ERBB4: variants seen among roughly 807,000 people sequenced by gnomAD.
The protein encoded by ERBB4 is erb-b2 receptor tyrosine kinase 4, also known as receptor tyrosine-protein kinase erbB-4.
ERBB4 carries 42 observed loss-of-function variants against 158.0 expected under a neutral mutation model. That is an observed-to-expected ratio of 0.27 (90% confidence interval 0.21 to 0.34). The LOEUF is 0.34. Ranked by LOEUF, ERBB4 falls within the 10% of genes least tolerant of loss-of-function variation. The pLI is 1.00. For missense variants in ERBB4, 1,333 were observed against 1,624.1 expected, an observed-to-expected ratio of 0.82 and a Z score of 3.08; for synonymous variants, 583 against 558.7, an observed-to-expected ratio of 1.04 and a Z score of -0.61.
chr2:212,307,959 C>T (rs990170524), intron 1 of ERBB4, among the ~76,000 whole-genome samples: 7 of 150,632 alleles, frequency 4.6e-5, no homozygotes, highest in African/African-American at 1.2e-4. Flanking sequence ...TTGAAGTCCC[C>T]GATCCATGCA....
chr2:211,884,163 A>G (rs2078734947), intron 3 of ERBB4, among the ~76,000 whole-genome samples: 2 of 152,192 alleles, frequency 1.3e-5, no homozygotes, highest in African/African-American at 2.4e-5. Context: ...TAATAGCAAC[A>G]CACTCTGGAT....
chr2:211,513,618 GC>G (rs1045322123), intron 20 of ERBB4, among the ~76,000 whole-genome samples: 1 of 152,026 alleles, frequency 6.6e-6, no homozygotes, highest in African/African-American at 2.4e-5. Flanking sequence ...AAGAGAATGA[GC>G]AAATACTATT....
rs1560145119 is a variant in ERBB4, at chr2:212,373,788, C to CCATATATATCCAT, written c.82+164660_82+164661insATGGATATATATG. The stretch of plus-strand genomic sequence containing the variant: ...ACGTATATATCCATGTATATATCCA[C>CCATATATATCCAT]GTATATATATCCATATATATATCCA... On this transcript the variant is annotated intron_variant, in intron 1 of 27. Transcript: ENST00000342788. 3.4e-5 allele frequency among the ~76,000 whole-genome samples: 3 copies of CCATATATATCCAT among 88,918 alleles called. No homozygotes were observed. In the East Asian group the frequency reaches 7.5e-4, roughly 22 times the overall value. 58.3% of individuals were successfully genotyped at this position (88,918 alleles called of 152,430 possible).
chr2:212,477,313 C>A (rs975840058), intron 1 of ERBB4, among the ~76,000 whole-genome samples: 3 of 152,112 alleles, frequency 2.0e-5, no homozygotes, highest in Admixed American at 1.3e-4. Context: ...TCTTCCTATA[C>A]TTCTGCCACT....
chr2:211,855,230 T>C (rs892192137), intron 3 of ERBB4, among the ~76,000 whole-genome samples: 1 of 152,192 alleles, frequency 6.6e-6, no homozygotes, highest in South Asian at 2.1e-4. Flanking sequence ...AATTCCTTTT[T>C]ATATTTTGGA....
At chr2:211,858,017 T>G (rs370702563) in intron 3 of ERBB4, among the ~76,000 whole-genome samples, 1 of 152,222 alleles carries the variant, frequency 6.6e-6, no homozygotes, top group African/African-American at 2.4e-5. Context: ...TCTAATTCTG[T>G]AATTTGAAAG....
intron 19 of ERBB4, among the ~76,000 whole-genome samples, chr2:211,616,608 A>G (rs1354234773): frequency 6.6e-6 from 1 of 152,180 alleles, no homozygotes; most frequent in Non-Finnish European, 1.5e-5. Flanking sequence ...GGTATGAAAT[A>G]TAGGCTTATG....
At chr2:211,849,035 A>AT (rs1292301015) in intron 3 of ERBB4, among the ~76,000 whole-genome samples, 3 of 152,012 alleles carry the variant, frequency 2.0e-5, no homozygotes, top group Non-Finnish European at 4.4e-5. Context: ...ACATTCAACT[A>AT]TTTTTTAAAT....
rs528673903 is a variant in ERBB4, at chr2:211,968,940, C to T, written c.235-21324G>A. On this transcript the variant is annotated intron_variant, in intron 2 of 27. Coordinates refer to ENST00000342788, the MANE Select transcript of ERBB4 (RefSeq NM_005235.3). ...TTGAAGGACCTATTCAAATTGAACCCAAATTCAAATTAGTAATGTACATTT... is the reference window on the plus strand; with the variant it reads ...TTGAAGGACCTATTCAAATTGAACCTAAATTCAAATTAGTAATGTACATTT... 3.3e-5 allele frequency among the ~76,000 whole-genome samples: 5 copies of T among 151,906 alleles called. No individual in the cohort carries two copies. The East Asian group carries it at 9.7e-4, about 29-fold the overall frequency.
chr2:211,871,462 C>G (rs748602960), intron 3 of ERBB4, among the ~76,000 whole-genome samples: 4 of 151,362 alleles, frequency 2.6e-5, no homozygotes, highest in Non-Finnish European at 5.9e-5. Flanking sequence ...TACCATGTGC[C>G]TTATAAAGGG....
At chr2:211,832,568 ATGTG>A (rs35068304) in intron 3 of ERBB4, among the ~76,000 whole-genome samples, 4 of 150,390 alleles carry the variant, frequency 2.7e-5, no homozygotes, top group Admixed American at 6.6e-5. Context: ...AAATATATGT[ATGTG>A]TGTGTGTATA....
intron 2 of ERBB4, among the ~76,000 whole-genome samples, chr2:212,052,903 C>T (rs1281575363): frequency 1.3e-5 from 2 of 152,216 alleles, no homozygotes; most frequent in Non-Finnish European, 2.9e-5. Flanking sequence ...CATTTGACAT[C>T]ACCCGAATAA....
intron 20 of ERBB4, among the ~76,000 whole-genome samples, chr2:211,526,458 A>G (rs769590889): frequency 3.3e-5 from 5 of 152,174 alleles, no homozygotes; most frequent in Non-Finnish European, 5.9e-5. Flanking sequence ...TATGGCTTAG[A>G]TTACAACAGT....
chr2:211,627,795 T>C (rs958986634), intron 17 of ERBB4, among the ~76,000 whole-genome samples: 9 of 152,242 alleles, frequency 5.9e-5, no homozygotes, highest in Non-Finnish European at 1.0e-4. Context: ...AAGGGTCTGG[T>C]AATTCATAGT....
intron 2 of ERBB4, among the ~76,000 whole-genome samples, chr2:212,058,621 C>A (rs559165226): frequency 5.9e-5 from 9 of 152,276 alleles, no homozygotes; most frequent in Admixed American, 2.0e-4. Flanking sequence ...CCCTGGAATG[C>A]AAGGCTGGTT....
At chr2:211,708,165 T>G (rs2073523379) in intron 9 of ERBB4, among the ~76,000 whole-genome samples, 1 of 152,036 alleles carries the variant, frequency 6.6e-6, no homozygotes, top group Non-Finnish European at 1.5e-5. Context: ...ATATATAACA[T>G]GTCTAATTCT....
chr2:211,887,908 A>T (rs2078846816), intron 3 of ERBB4, among the ~76,000 whole-genome samples: 1 of 152,210 alleles, frequency 6.6e-6, no homozygotes, highest in Non-Finnish European at 1.5e-5. Flanking sequence ...AATATCTTCT[A>T]CTTTCCAAAT....
chr2:211,606,374 A>G (rs2068977633), intron 19 of ERBB4, among the ~76,000 whole-genome samples: 1 of 152,112 alleles, frequency 6.6e-6, no homozygotes, highest in African/African-American at 2.4e-5. Flanking sequence ...TGTAGATATT[A>G]TAAGAGAAAA....
At chr2:211,516,777 G>C (rs758516123) in intron 20 of ERBB4, among the ~76,000 whole-genome samples, 1 of 152,204 alleles carries the variant, frequency 6.6e-6, no homozygotes, top group Non-Finnish European at 1.5e-5. Flanking sequence ...CAGATTTCAC[G>C]GTAGAAGCAA....
Sources: gnomAD v4.1 joint callset for allele counts (sites outside exome capture counted in the v4.1 genomes callset) on GRCh38, gnomAD v4.1.1 for gene constraint, MANE v1.5 for transcripts, NCBI Gene and HGNC (gene_info 2026-07-23, HGNC 2026-07-21) for gene names.